Variants in SHISA6 observed in about 807,000 individuals in gnomAD.
The protein encoded by SHISA6 is protein shisa-6.
Under a neutral mutation model 47.9 loss-of-function variants are expected in SHISA6, and 22 were observed. The observed-to-expected ratio is 0.46, with a 90% confidence interval of 0.33 to 0.66. SHISA6 has a LOEUF of 0.66. Ranked by LOEUF, SHISA6 falls within the 30% of genes least tolerant of loss-of-function variation. The pLI, the probability that SHISA6 is intolerant of heterozygous loss-of-function variation, is 0.02. For missense variants in SHISA6, 680 were observed against 764.6 expected, an observed-to-expected ratio of 0.89 and a Z score of 1.30; for synonymous variants, 388 against 337.8, an observed-to-expected ratio of 1.15 and a Z score of -1.63.
chr17:11,326,268 C>CA (rs35905275), intron 2 of SHISA6, among the ~76,000 whole-genome samples: 6,370 of 109,112 alleles, frequency 0.058, 293 homozygotes, highest in African/African-American at 0.13. Flanking sequence ...GAGACTCCAT[C>CA]AAAAAAAAAA....
At chr17:11,388,662 T>C (rs1293657812) in intron 3 of SHISA6, among the ~76,000 whole-genome samples, 1 of 151,264 alleles carries the variant, frequency 6.6e-6, no homozygotes. Flanking sequence ...TGATTCCATA[T>C]GTTGTTAGAA....
intron 3 of SHISA6, among the ~76,000 whole-genome samples, chr17:11,388,796 A>ATATC: frequency 3.8e-5 from 1 of 26,180 alleles, no homozygotes; most frequent in South Asian, 1.0e-3. Context: ...AAGTTTATAT[A>ATATC]TATATATATA....
intron 2 of SHISA6, among the ~76,000 whole-genome samples, chr17:11,312,622 A>G (rs768527093): frequency 2.6e-4 from 39 of 152,212 alleles, no homozygotes; most frequent in Non-Finnish European, 4.7e-4. Flanking sequence ...TTGTCCAAAC[A>G]CATATAAAAC....
intron 3 of SHISA6, among the ~76,000 whole-genome samples, chr17:11,482,604 A>G (rs1214283877): frequency 2.0e-5 from 3 of 152,346 alleles, no homozygotes; most frequent in African/African-American, 4.8e-5. Flanking sequence ...GTGAACATGG[A>G]AACTACTTAA....
chr17:11,491,768 G>GT (rs768280409), intron 3 of SHISA6, among the ~76,000 whole-genome samples: 7 of 107,882 alleles, frequency 6.5e-5, no homozygotes, highest in African/African-American at 9.9e-5. Context: ...AGCTGGTGAA[G>GT]TGTTTTTTTT....
intron 3 of SHISA6, among the ~76,000 whole-genome samples, chr17:11,487,073 T>A (rs1916368290): frequency 6.6e-6 from 1 of 152,200 alleles, no homozygotes; most frequent in Non-Finnish European, 1.5e-5. Flanking sequence ...ACTTACAATC[T>A]AAGATATTTA....
chr17:11,401,715 A>G (rs73975400), intron 3 of SHISA6, among the ~76,000 whole-genome samples: 7,059 of 152,234 alleles, frequency 0.046, 498 homozygotes, highest in African/African-American at 0.15. Context: ...GATATGGACA[A>G]TCCTTTAAAG....
At chr17:11,421,591 G>A (rs1418456498) in intron 3 of SHISA6, among the ~76,000 whole-genome samples, 2 of 152,200 alleles carry the variant, frequency 1.3e-5, no homozygotes, top group African/African-American at 4.8e-5. Flanking sequence ...TGGGAAGTGT[G>A]CAAGCTTTGA....
In SHISA6 at chr17:11,241,637, G is replaced by A. The variant is rs1907337104; in HGVS notation, c.215G>A (p.Ser72Asn). ...GCGCCCGGAATCCCGGAGGCGGGAA[G>A]CCGGCGGGGGCAGCCCGCGGCGGCT... ...ARAPGIPEAG[S>N]RRGQPAAAVA... is the part of the protein sequence containing the mutation. The change falls in exon 1 of 6, where the codon AGC (serine) becomes AAC (asparagine). Residue 72 changes from serine (S) to asparagine (N), a missense_variant. By Grantham distance (46) the Ser-to-Asn change is conservative (BLOSUM62 1). Coordinates refer to ENST00000441885, the MANE Select transcript of SHISA6 (RefSeq NM_207386.4). The surrounding 1 kb of genome is among the most constrained non-coding windows in gnomAD (Gnocchi z 5.5). 1 of 1,354,102 alleles carries A rather than the reference G, an allele frequency of 7.4e-7. No individual in the cohort carries two copies. Among genetic ancestry groups the A allele is most frequent in the Non-Finnish European group, 9.4e-7 (1 of 1,064,438 alleles). 83.9% of individuals were successfully genotyped at this position (1,354,102 alleles called of 1,614,324 possible). A position where few individuals can be genotyped will look rare whatever the true frequency, so the allele number is the denominator to read the frequency against.
intron 3 of SHISA6, among the ~76,000 whole-genome samples, chr17:11,492,681 A>G (rs1339402838): frequency 1.3e-5 from 2 of 152,012 alleles, no homozygotes; most frequent in East Asian, 3.9e-4. Context: ...GTGTGCATCA[A>G]GTGTTGGCAT....
At chr17:11,487,784 C>T (rs1413282225) in intron 3 of SHISA6, among the ~76,000 whole-genome samples, 1 of 152,102 alleles carries the variant, frequency 6.6e-6, no homozygotes, top group Non-Finnish European at 1.5e-5. Flanking sequence ...TGCATTGCCC[C>T]CTCCCGAGAA....
intron 3 of SHISA6, among the ~76,000 whole-genome samples, chr17:11,520,737 C>T (rs1266837630): frequency 6.6e-6 from 1 of 152,160 alleles, no homozygotes; most frequent in Admixed American, 6.5e-5. Context: ...GGCCCCTTCT[C>T]ATCCATGAGA....
chr17:11,326,504 A>G (rs1221843189), intron 2 of SHISA6, among the ~76,000 whole-genome samples: 2 of 152,220 alleles, frequency 1.3e-5, no homozygotes, highest in African/African-American at 2.4e-5. Flanking sequence ...TCTATGGTCT[A>G]TCAGAAACAG....
At chr17:11,454,194 A>G (rs1915473721) in intron 3 of SHISA6, among the ~76,000 whole-genome samples, 2 of 152,218 alleles carry the variant, frequency 1.3e-5, no homozygotes, top group South Asian at 4.1e-4. Context: ...TATTCAATCT[A>G]TTTCTGCACA....
intron 3 of SHISA6, among the ~76,000 whole-genome samples, chr17:11,508,017 G>A (rs1206503121): frequency 6.6e-6 from 1 of 152,180 alleles, no homozygotes; most frequent in South Asian, 2.1e-4. Context: ...TCCACGATGA[G>A]GAAACTACTT....
intron 2 of SHISA6, among the ~76,000 whole-genome samples, chr17:11,336,867 G>A (rs1481274237): frequency 6.6e-6 from 1 of 152,178 alleles, no homozygotes; most frequent in Non-Finnish European, 1.5e-5. Context: ...ACCTGTGTGG[G>A]AGCTGCCCCA....
intron 2 of SHISA6, among the ~76,000 whole-genome samples, chr17:11,363,789 C>T (rs748382003): frequency 3.3e-5 from 5 of 152,170 alleles, no homozygotes; most frequent in Admixed American, 6.5e-5. Flanking sequence ...TGACAACACC[C>T]GGAGGTTACT....
chr17:11,359,211 T>C (rs1307183197), intron 2 of SHISA6, among the ~76,000 whole-genome samples: 1 of 152,210 alleles, frequency 6.6e-6, no homozygotes, highest in East Asian at 1.9e-4. Context: ...TTTAAGCATG[T>C]CTTGCTCACC....
chr17:11,253,887 G>A (rs1211246025), intron 1 of SHISA6, among the ~76,000 whole-genome samples: 1 of 152,062 alleles, frequency 6.6e-6, no homozygotes, highest in Non-Finnish European at 1.5e-5. Flanking sequence ...GGATCTGGAG[G>A]CAGACTTTGG....
Sources: gnomAD v4.1 joint callset for allele counts (sites outside exome capture counted in the v4.1 genomes callset) on GRCh38, gnomAD v4.1.1 for gene constraint, Gnocchi (gnomAD v3.1) non-coding constraint, MANE v1.5 for transcripts, NCBI Gene and HGNC (gene_info 2026-07-23, HGNC 2026-07-21) for gene names.